Variants in KCNH5 observed in about 807,000 individuals in gnomAD.
The protein encoded by KCNH5 is potassium voltage-gated channel subfamily H member 5, also known as voltage-gated delayed rectifier potassium channel KCNH5.
A neutral mutation model predicts 96.1 loss-of-function variants in KCNH5; 46 were observed. The ratio of observed to expected loss-of-function variants is 0.48; its 90% confidence interval spans 0.38 to 0.61. The LOEUF is 0.61. Ranked by LOEUF, KCNH5 falls within the 20% of genes least tolerant of loss-of-function variation. The pLI, the probability that KCNH5 is intolerant of heterozygous loss-of-function variation, is 0.00. For synonymous variants in KCNH5, 439 were observed against 449.8 expected (o/e 0.98, Z 0.30); for missense variants, 907 against 1,225.8 (o/e 0.74, Z 3.88).
In KCNH5 at chr14:62,792,206, T is replaced by C. The variant is rs148822576; in HGVS notation, c.1822+10123A>G. On this transcript the variant is annotated intron_variant, in intron 9 of 10. Transcript: ENST00000322893. ...AGAAATGATGTCTGCCAGTCTTCAA[T>C]GATTGATGTCCAAAGTCATTATGTT... is the stretch of plus-strand genomic sequence containing the variant. Among the ~76,000 whole-genome samples the C allele has an allele frequency of 3.3e-5, 5 of 151,708 alleles. No homozygotes were observed. In the East Asian group the frequency reaches 9.7e-4, roughly 29 times the overall value.
At chr14:62,855,868 T>C (rs1056647380) in intron 7 of KCNH5, among the ~76,000 whole-genome samples, 3 of 152,078 alleles carry the variant, frequency 2.0e-5, no homozygotes, top group African/African-American at 7.3e-5. Flanking sequence ...ATTTAGTAGA[T>C]ATTTATTTGA....
chr14:62,810,528 G>C (rs1227323400), intron 8 of KCNH5, among the ~76,000 whole-genome samples: 1 of 152,030 alleles, frequency 6.6e-6, no homozygotes, highest in Non-Finnish European at 1.5e-5. Context: ...AGGTCATAAA[G>C]ACCTTTCTGA....
chr14:62,782,409 C>G (rs1463525637), intron 9 of KCNH5, among the ~76,000 whole-genome samples: 1 of 152,148 alleles, frequency 6.6e-6, no homozygotes, highest in Non-Finnish European at 1.5e-5. Flanking sequence ...TAATCTTAAG[C>G]AATTCATTTG....
intron 4 of KCNH5, among the ~76,000 whole-genome samples, chr14:62,995,802 T>C (rs1365110031): frequency 6.6e-6 from 1 of 152,100 alleles, no homozygotes; most frequent in Non-Finnish European, 1.5e-5. Context: ...TTCCACTATA[T>C]ATTTACTAGT....
intron 8 of KCNH5, among the ~76,000 whole-genome samples, chr14:62,811,078 A>G (rs879440150): frequency 1.5e-4 from 23 of 151,144 alleles, no homozygotes; most frequent in African/African-American, 2.4e-4. Flanking sequence ...AACCCTGGGG[A>G]AAAAAAAATG....
intron 6 of KCNH5, among the ~76,000 whole-genome samples, chr14:62,973,208 A>G (rs771893201): frequency 6.6e-6 from 1 of 152,158 alleles, no homozygotes; most frequent in Non-Finnish European, 1.5e-5. Flanking sequence ...AAAGGCTCAC[A>G]CTCTTTACAA....
intron 1 of KCNH5, among the ~76,000 whole-genome samples, chr14:63,040,589 G>GA (rs1444013207): frequency 1.3e-5 from 2 of 152,042 alleles, no homozygotes; most frequent in Non-Finnish European, 2.9e-5. Context: ...AACCTTTCAA[G>GA]AAAAAATGTC....
At chr14:62,716,993 C>T (rs1243139996) in intron 10 of KCNH5, among the ~76,000 whole-genome samples, 1 of 152,188 alleles carries the variant, frequency 6.6e-6, no homozygotes, top group East Asian at 1.9e-4. Context: ...TATTTCTATG[C>T]ACTAGCCATG....
At chr14:62,897,955 T>G (rs988724421) in intron 7 of KCNH5, among the ~76,000 whole-genome samples, 2 of 152,090 alleles carry the variant, frequency 1.3e-5, no homozygotes, top group Non-Finnish European at 2.9e-5. Flanking sequence ...ATGTTTTAAT[T>G]TGGATGTGAA....
chr14:62,950,229 A>G lies in KCNH5; in HGVS notation c.1273T>C (p.Phe425Leu), dbSNP rs923043659. ...ATGGTTGTAAGGCTTGTCATGGTAA[A>G]GTAGAGAGAGGACACGTACAATGAA... ...KDSLYVSSLYFTMTSLTTIGF... is the reference protein window; with the variant it reads ...KDSLYVSSLYLTMTSLTTIGF... The change falls in exon 7 of 11, where the codon TTT becomes CTT. Residue 425 changes from phenylalanine (F) to leucine (L), a missense_variant. Phe to Leu is a conservative substitution (Grantham distance 22, BLOSUM62 0). Around this residue, in one of 6 missense-constraint regions of KCNH5, gnomAD observed 370 missense variants for 561.3 expected, o/e 0.66. Coordinates refer to ENST00000322893, the MANE Select transcript of KCNH5 (RefSeq NM_139318.5). 1 of 1,614,000 alleles carries G rather than the reference A, an allele frequency of 6.2e-7. No homozygotes were observed. Among genetic ancestry groups the G allele is most frequent in the Non-Finnish European group, 8.5e-7 (1 of 1,179,932 alleles).
At chr14:62,899,833 C>CAAA (rs10544668) in intron 7 of KCNH5, among the ~76,000 whole-genome samples, 2 of 139,124 alleles carry the variant, frequency 1.4e-5, no homozygotes, top group Non-Finnish European at 3.2e-5. Context: ...GACTCCGTCT[C>CAAA]AAAAAAAAAA....
chr14:62,995,313 C>T (rs17100612), intron 4 of KCNH5, among the ~76,000 whole-genome samples: 10,194 of 151,970 alleles, frequency 0.067, 474 homozygotes, highest in East Asian at 0.16. Flanking sequence ...CTGATTTTGC[C>T]GGTGTATAGA....
At chr14:62,819,256 C>G (rs77101358) in intron 8 of KCNH5, among the ~76,000 whole-genome samples, 1 of 152,124 alleles carries the variant, frequency 6.6e-6, no homozygotes, top group Admixed American at 6.5e-5. Context: ...CATGAGCCAC[C>G]GTGCCTGGCC....
intron 7 of KCNH5, among the ~76,000 whole-genome samples, chr14:62,911,272 T>C (rs1481459280): frequency 3.4e-5 from 5 of 147,120 alleles, no homozygotes; most frequent in Non-Finnish European, 7.5e-5. Flanking sequence ...TCTTTCTTTC[T>C]TTTTTTTTTC....
rs949730168 is a variant in KCNH5, at chr14:62,981,167, G to C, written c.647C>G (p.Thr216Ser). The C allele has an allele frequency of 1.9e-6, 3 of 1,614,124 alleles. No homozygotes were observed. The highest frequency in any genetic ancestry group is 2.5e-6 in the Non-Finnish European group (3 of 1,180,010). ...AAGAATTAAAATCACCCAATCCCAAGTAGTTTTAAAAGCACAATAATGTAA... is the reference window on the plus strand; with the variant it reads ...AAGAATTAAAATCACCCAATCCCAACTAGTTTTAAAAGCACAATAATGTAA... ...IILHYCAFKTTWDWVILILTF... is the reference protein window; with the variant it reads ...IILHYCAFKTSWDWVILILTF... Residue 216 changes from threonine (T) to serine (S), a missense_variant, in exon 6 of 11, where the codon ACT (threonine) becomes AGT (serine). Thr to Ser is a moderately conservative substitution (Grantham distance 58, BLOSUM62 1). Coordinates refer to ENST00000322893, the MANE Select transcript of KCNH5 (RefSeq NM_139318.5).
intron 7 of KCNH5, among the ~76,000 whole-genome samples, chr14:62,854,143 T>C (rs1252937918): frequency 6.6e-6 from 1 of 152,098 alleles, no homozygotes; most frequent in East Asian, 1.9e-4. Flanking sequence ...AATTTATCAC[T>C]ACTTTAACTT....
chr14:62,956,462 G>T (rs984954904), intron 6 of KCNH5, among the ~76,000 whole-genome samples: 1 of 151,976 alleles, frequency 6.6e-6, no homozygotes, highest in Non-Finnish European at 1.5e-5. Context: ...AATTCTTTCT[G>T]CTGTACACTT....
At chr14:62,981,732 C>T (rs532709714) in intron 5 of KCNH5, among the ~76,000 whole-genome samples, 1 of 152,310 alleles carries the variant, frequency 6.6e-6, no homozygotes, top group Admixed American at 6.5e-5. Context: ...TGATACTCAG[C>T]AAGGGCCCTG....
chr14:62,818,878 A>T (rs1456934910), intron 8 of KCNH5, among the ~76,000 whole-genome samples: 2 of 152,228 alleles, frequency 1.3e-5, no homozygotes, highest in South Asian at 2.1e-4. Context: ...TAATGGTTAC[A>T]GGAAACAACC....
Sources: allele counts gnomAD v4.1 joint callset (sites outside exome capture counted in the v4.1 genomes callset), GRCh38; gene constraint gnomAD v4.1.1; regional missense constraint gnomAD v4.1.1; transcripts MANE v1.5; gene names NCBI Gene and HGNC (gene_info 2026-07-23, HGNC 2026-07-21).